The following ABHD17C variants were observed in gnomAD, a reference collection of about 807,000 sequenced individuals.
ABHD17C encodes alpha/beta hydrolase domain-containing protein 17C.
In ABHD17C, 11 loss-of-function variants were observed where a neutral mutation model predicts 27.9. The observed-to-expected ratio is 0.39, with a 90% CI of 0.25 to 0.65. ABHD17C has a LOEUF of 0.65. Ranked by LOEUF, ABHD17C falls within the 30% of genes least tolerant of loss-of-function variation. ABHD17C has a pLI of 0.45. For synonymous variants in ABHD17C, 233 were observed against 209.1 expected (o/e 1.11, Z -0.98); for missense variants, 280 against 470.2 (o/e 0.60, Z 3.74).
chr15:80,733,729 C>T (rs1895087375), intron 1 of ABHD17C, among the ~76,000 whole-genome samples: 1 of 152,224 alleles, frequency 6.6e-6, no homozygotes, highest in Non-Finnish European at 1.5e-5. Flanking sequence ...CACCAACCAT[C>T]TGTGTCTCCT....
At chr15:80,704,482 TA>T (rs3214965) in intron 1 of ABHD17C, 35,912 of 151,040 alleles carry the variant, frequency 0.24, 4,665 homozygotes, top group South Asian at 0.32. Flanking sequence ...GGCGCGTGTG[TA>T]ACATATGTAA....
At chr15:80,713,380 T>TTTTTTTTTTC (rs1894754741) in intron 1 of ABHD17C, among the ~76,000 whole-genome samples, 1 of 145,782 alleles carries the variant, frequency 6.9e-6, no homozygotes, top group South Asian at 2.3e-4. Flanking sequence ...TTTTTTTTTT[T>TTTTTTTTTTC]TTCAAAATCA....
At chr15:80,696,155 C>G in intron 1 of ABHD17C, 136 bp downstream of exon 1, 2 of 956,630 alleles carry the variant, frequency 2.1e-6, no homozygotes, top group South Asian at 1.7e-5. Context: ...AGCCCCTTGG[C>G]CGCCGTAAAT....
intron 1 of ABHD17C, among the ~76,000 whole-genome samples, chr15:80,701,995 C>T (rs747782272): frequency 6.6e-6 from 1 of 152,190 alleles, no homozygotes; most frequent in East Asian, 1.9e-4. Context: ...AAGCTGAGCT[C>T]TCACTCTCCT....
intron 1 of ABHD17C, among the ~76,000 whole-genome samples, chr15:80,719,023 G>C (rs912723579): frequency 6.6e-6 from 1 of 152,210 alleles, no homozygotes; most frequent in Non-Finnish European, 1.5e-5. Context: ...GATAAGTACA[G>C]TAAGATGTGT....
chr15:80,707,806 T>C (rs1295372026), intron 1 of ABHD17C, among the ~76,000 whole-genome samples: 1 of 152,198 alleles, frequency 6.6e-6, no homozygotes, highest in African/African-American at 2.4e-5. Context: ...GTCAAAGTAC[T>C]GTATTTGGGG....
intron 1 of ABHD17C, among the ~76,000 whole-genome samples, chr15:80,733,174 G>A (rs1402066228): frequency 1.3e-5 from 2 of 152,030 alleles, no homozygotes; most frequent in African/African-American, 2.4e-5. Context: ...TGTCCTCTAC[G>A]AATCTCCACC....
At chr15:80,743,194 C>G (rs1299511382) in intron 1 of ABHD17C, among the ~76,000 whole-genome samples, 2 of 152,088 alleles carry the variant, frequency 1.3e-5, no homozygotes, top group Non-Finnish European at 2.9e-5. Flanking sequence ...ATCTGGCGCT[C>G]AAGTGGAAGG....
At chr15:80,724,426 G>T (rs913932589) in intron 1 of ABHD17C, among the ~76,000 whole-genome samples, 10 of 152,108 alleles carry the variant, frequency 6.6e-5, no homozygotes, top group Admixed American at 6.5e-4. Flanking sequence ...CAGAAAATCG[G>T]CAGTGTAATA....
At chr15:80,751,704 G>A (rs2141525415) in intron 2 of ABHD17C, among the ~76,000 whole-genome samples, 1 of 152,276 alleles carries the variant, frequency 6.6e-6, no homozygotes, top group Admixed American at 6.5e-5. Flanking sequence ...CAGTGAGCTA[G>A]GATTACACTA....
chr15:80,707,024 G>T (rs2141492724), intron 1 of ABHD17C, among the ~76,000 whole-genome samples: 1 of 152,294 alleles, frequency 6.6e-6, no homozygotes, highest in Non-Finnish European at 1.5e-5. Context: ...GTTAAAAAAT[G>T]AACATGCCAT....
intron 1 of ABHD17C, among the ~76,000 whole-genome samples, chr15:80,738,571 C>T (rs191340446): frequency 9.7e-4 from 147 of 152,226 alleles, no homozygotes; most frequent in Admixed American, 2.5e-3. Flanking sequence ...TGTAAAACAT[C>T]TCAAAGATAG....
rs930176866 is a variant in ABHD17C at position 80,733,999 on chromosome 15, T to A, written c.591-15514T>A. ...TATTTATTTATTTATTTATTTATTTTTTTAAAACAGGGTCTGGCTCTGTCA... is the reference window on the plus strand; with the variant it reads ...TATTTATTTATTTATTTATTTATTTATTTAAAACAGGGTCTGGCTCTGTCA... On this transcript the variant is annotated intron_variant, in intron 1 of 2. Transcript: ENST00000258884. Among the ~76,000 whole-genome samples, 6 of 145,388 alleles carry A rather than the reference T, an allele frequency of 4.1e-5. No individual in the cohort carries two copies. In the East Asian group the frequency reaches 1.0e-3, roughly 24 times the overall value.
intron 1 of ABHD17C, among the ~76,000 whole-genome samples, chr15:80,721,568 A>G (rs1043128699): frequency 6.6e-6 from 1 of 152,222 alleles, no homozygotes; most frequent in Non-Finnish European, 1.5e-5. Flanking sequence ...TGCCAGGCAA[A>G]TAGCAAATGT....
chr15:80,717,853 A>G (rs553044593), intron 1 of ABHD17C, among the ~76,000 whole-genome samples: 1 of 152,262 alleles, frequency 6.6e-6, no homozygotes, highest in South Asian at 2.1e-4. Context: ...TCTGAAACAG[A>G]ATTTGAAAAT....
intron 1 of ABHD17C, among the ~76,000 whole-genome samples, chr15:80,733,558 T>C (rs962461702): frequency 6.6e-6 from 1 of 152,120 alleles, no homozygotes; most frequent in East Asian, 1.9e-4. Flanking sequence ...AGAGGGATGC[T>C]CCAAAAAGAC....
chr15:80,714,052 C>T lies in ABHD17C; in HGVS notation c.590+18033C>T, dbSNP rs150730858. On this transcript the variant is annotated intron_variant, in intron 1 of 2. Coordinates refer to ENST00000258884, the MANE Select transcript of ABHD17C (RefSeq NM_021214.2). ...CATCACACCCCTGACCTCCTGGGCT[C>T]GGGTAGTCCTCCCACCTCAGCCTCC... is the stretch of plus-strand genomic sequence containing the variant. 1.4e-4 allele frequency among the ~76,000 whole-genome samples: 21 copies of T among 152,246 alleles called. No homozygotes were observed. In the East Asian group the frequency reaches 2.9e-3, roughly 21 times the overall value.
chr15:80,700,393 C>T (rs1414041434), intron 1 of ABHD17C, among the ~76,000 whole-genome samples: 1 of 152,144 alleles, frequency 6.6e-6, no homozygotes, highest in Non-Finnish European at 1.5e-5. Flanking sequence ...ATGCCATCCA[C>T]AGAAGTCGTC....
chr15:80,703,757 A>G (rs1232536102), intron 1 of ABHD17C, among the ~76,000 whole-genome samples: 1 of 152,192 alleles, frequency 6.6e-6, no homozygotes, highest in African/African-American at 2.4e-5. Flanking sequence ...GAGTTGAAAA[A>G]AATGGAATGT....
Sources: allele counts gnomAD v4.1 joint callset (sites outside exome capture counted in the v4.1 genomes callset), GRCh38; gene constraint gnomAD v4.1.1; transcripts MANE v1.5; gene names NCBI Gene and HGNC (gene_info 2026-07-23, HGNC 2026-07-21).